Variants in MBNL2 observed in about 807,000 individuals in gnomAD.
MBNL2 encodes the protein muscleblind like splicing regulator 2, also known as muscleblind-like protein 2.
In MBNL2, 17 loss-of-function variants were observed where a neutral mutation model predicts 41.9. The ratio of observed to expected loss-of-function variants is 0.41; its 90% CI spans 0.28 to 0.61. The LOEUF (loss-of-function observed/expected upper bound fraction) is 0.61. MBNL2 is among the 20% of genes least tolerant of loss of function. The probability of loss-of-function intolerance (pLI) is 0.35; values close to 1 mark genes in which losing one functional copy is unlikely to be tolerated. For missense variants in MBNL2, 336 were observed against 505.6 expected (o/e 0.66, Z 3.22); for synonymous variants, 195 against 182.9 (o/e 1.07, Z -0.53).
intron 1 of MBNL2, among the ~76,000 whole-genome samples, chr13:97,264,041 C>T (rs1451471104): frequency 2.8e-5 from 4 of 142,190 alleles, no homozygotes; most frequent in Admixed American, 7.1e-5. Flanking sequence ...GATGGAGTCT[C>T]GCTCTGTCAC....
intron 1 of MBNL2, among the ~76,000 whole-genome samples, chr13:97,255,769 G>A (rs1318914287): frequency 1.3e-5 from 2 of 152,178 alleles, no homozygotes. Flanking sequence ...ACAGGAAGGG[G>A]AGGGCTGAGC....
intron 2 of MBNL2, among the ~76,000 whole-genome samples, chr13:97,291,447 T>C (rs1378436563): frequency 6.6e-6 from 1 of 152,080 alleles, no homozygotes; most frequent in Non-Finnish European, 1.5e-5. Flanking sequence ...TTCACCGTGT[T>C]AGCCAGGATG....
rs1192849899 is a variant in MBNL2, at chr13:97,360,003, T to G, written c.1012+2368T>G. Among the ~76,000 whole-genome samples the G allele has an allele frequency of 2.6e-5, 4 of 152,210 alleles. No individual in the cohort carries two copies. In the East Asian group the frequency reaches 7.7e-4, roughly 29 times the overall value. On this transcript the variant is annotated intron_variant, in intron 7 of 8. Transcript: ENST00000679496. ...CTTTCTTATAAACCCATTTTCAACT[T>G]TATTTCTAAAATGATAATGGTAATA...
the MBNL2 span, among the ~76,000 whole-genome samples, chr13:97,197,203 G>T: frequency 3.3e-5 from 5 of 152,064 alleles, no homozygotes; most frequent in South Asian, 4.1e-4. Context: ...TAGATACATT[G>T]TCTTGATATT....
rs116802084 is a variant in MBNL2, at chr13:97,296,176, A to C, written c.174+19767A>C. Among the ~76,000 whole-genome samples, 447 of 152,318 alleles carry C rather than the reference A, an allele frequency of 2.9e-3. 1 individual carries two copies. The highest frequency in any genetic ancestry group is 9.9e-3 in the African/African-American group (411 of 41,590). On this transcript the variant is annotated intron_variant, in intron 2 of 8. Transcript: ENST00000679496. The stretch of plus-strand genomic sequence containing the variant: ...CCTTTGTTTGATTTCTCCAACCCAA[A>C]TCATAATGTTACAAAGTGATTGATT...
At chr13:97,347,096 C>T (rs1311277489) in intron 5 of MBNL2, 29 bp downstream of exon 5, 4 of 1,488,422 alleles carry the variant, frequency 2.7e-6, no homozygotes, top group South Asian at 1.3e-5. Flanking sequence ...CGCCCCTGCA[C>T]CCCGGCGCCT....
intron 1 of MBNL2, among the ~76,000 whole-genome samples, chr13:97,252,097 G>T (rs1013739891): frequency 1.3e-5 from 2 of 151,554 alleles, no homozygotes; most frequent in African/African-American, 4.9e-5. Context: ...TGATCCACCC[G>T]CCTCGGCCTC....
At chr13:97,358,859 G>C (rs1185163954) in intron 7 of MBNL2, among the ~76,000 whole-genome samples, 1 of 152,154 alleles carries the variant, frequency 6.6e-6, no homozygotes, top group Non-Finnish European at 1.5e-5. Context: ...TAGCTTATCA[G>C]AGTTAACATC....
chr13:97,206,592 A>T, the MBNL2 span, among the ~76,000 whole-genome samples: 1 of 152,140 alleles, frequency 6.6e-6, no homozygotes, highest in African/African-American at 2.4e-5. Context: ...GAATTGCTAT[A>T]TCCTTGTTGC....
rs2059668657 is a variant in MBNL2, at chr13:97,323,500, A to G, written c.175-10776A>G. Reference sequence around the variant, plus strand: ...AAGTATAACAGCTATTTACATTAGCATTCACTTTGTATTAGGTGTTATAAG... The same window carrying G: ...AAGTATAACAGCTATTTACATTAGCGTTCACTTTGTATTAGGTGTTATAAG... On this transcript the variant is annotated intron_variant, in intron 2 of 8. Coordinates refer to ENST00000679496, the MANE Select transcript of MBNL2 (RefSeq NM_001382683.1). 3.3e-5 allele frequency among the ~76,000 whole-genome samples: 5 copies of G among 152,214 alleles called. No homozygotes were observed. In the South Asian group the frequency reaches 1.0e-3, roughly 32 times the overall value.
chr13:97,345,634 A>G (rs973548399), intron 4 of MBNL2, among the ~76,000 whole-genome samples: 1 of 152,096 alleles, frequency 6.6e-6, no homozygotes, highest in Non-Finnish European at 1.5e-5. Context: ...CAAAAATAGT[A>G]TAGTGACCTT....
At chr13:97,326,644 A>C (rs1208197825) in intron 2 of MBNL2, among the ~76,000 whole-genome samples, 1 of 152,212 alleles carries the variant, frequency 6.6e-6, no homozygotes, top group African/African-American at 2.4e-5. Context: ...TTACTTTCTA[A>C]TTCTGAAGCC....
the MBNL2 span, among the ~76,000 whole-genome samples, chr13:97,201,472 T>A: frequency 2.6e-5 from 4 of 152,206 alleles, no homozygotes; most frequent in Admixed American, 2.6e-4. Context: ...AATGGATGGA[T>A]GGATAGATAG....
intron 2 of MBNL2, among the ~76,000 whole-genome samples, chr13:97,330,019 T>C (rs1051346192): frequency 1.3e-5 from 2 of 152,168 alleles, no homozygotes; most frequent in African/African-American, 4.8e-5. Context: ...TAACAAGACA[T>C]GTTTTGTTAA....
chr13:97,247,895 A>G (rs1238675300), intron 1 of MBNL2, among the ~76,000 whole-genome samples: 1 of 152,168 alleles, frequency 6.6e-6, no homozygotes, highest in Non-Finnish European at 1.5e-5. Flanking sequence ...TTTCTCCCCA[A>G]TTACCTTTTC....
Position 97,346,896 on chromosome 13 carries a change from T to C in MBNL2, c.633T>C (p.Ser211=). The change falls in exon 5 of 9, where the codon AGT becomes AGC. Residue 211 remains serine, a synonymous_variant. Coordinates refer to ENST00000679496, the MANE Select transcript of MBNL2 (RefSeq NM_001382683.1). This position sits in a 1 kb window ranked among gnomAD's most constrained non-coding sequence, Gnocchi z 4.2. ...HPADSTMIDT[S]DNTVTVCMDY... is the part of the protein sequence containing the mutation. ...CAGACAGCACCATGATCGACACAAG[T>C]GACAACACCGTAACCGTTTGTATGG... 1 of 1,614,010 alleles carries C rather than the reference T, an allele frequency of 6.2e-7. No individual in the cohort carries two copies. The highest frequency in any genetic ancestry group is 2.2e-5 in the East Asian group (1 of 44,864).
At chr13:97,180,155 C>T in the MBNL2 span, among the ~76,000 whole-genome samples, 14,527 of 152,100 alleles carry the variant, frequency 0.096, 764 homozygotes, top group South Asian at 0.17. Context: ...GTAAACTCTA[C>T]AAGACTTAGT....
intron 8 of MBNL2, among the ~76,000 whole-genome samples, chr13:97,378,017 G>C (rs1302000084): frequency 1.3e-5 from 2 of 151,004 alleles, no homozygotes; most frequent in East Asian, 1.9e-4. Flanking sequence ...TGGATGCACA[G>C]AGGTGTCCGT....
At chr13:97,338,971 A>G (rs973072225) in intron 3 of MBNL2, among the ~76,000 whole-genome samples, 4 of 152,130 alleles carry the variant, frequency 2.6e-5, no homozygotes, top group African/African-American at 9.7e-5. Context: ...TGCTGCTACA[A>G]AATAGCAAAG....
Sources: gnomAD v4.1 joint callset for allele counts (sites outside exome capture counted in the v4.1 genomes callset) on GRCh38, gnomAD v4.1.1 for gene constraint, Gnocchi (gnomAD v3.1) non-coding constraint, MANE v1.5 for transcripts, NCBI Gene and HGNC (gene_info 2026-07-23, HGNC 2026-07-21) for gene names.